Variants in C12orf42 observed in about 807,000 individuals in gnomAD.
C12orf42 encodes the protein uncharacterized protein C12orf42.
A neutral mutation model predicts 21.6 loss-of-function variants in C12orf42; 25 were observed. The ratio of observed to expected loss-of-function variants is 1.16; its 90% CI spans 0.84 to 1.62. The LOEUF is 1.62. C12orf42 is among the 40% of genes most tolerant of loss of function. The pLI is 0.00. For missense variants in C12orf42, 483 were observed against 459.3 expected (o/e 1.05, Z -0.47); for synonymous variants, 174 against 175.0 (o/e 0.99, Z 0.05).
the C12orf42 span, among the ~76,000 whole-genome samples, chr12:103,514,353 G>T: frequency 2.0e-5 from 3 of 152,158 alleles, no homozygotes; most frequent in South Asian, 6.2e-4. Flanking sequence ...CTCTGAAAAG[G>T]CAGCATTTGA....
At chr12:103,123,437 G>C in the C12orf42 span, among the ~76,000 whole-genome samples, 3 of 152,170 alleles carry the variant, frequency 2.0e-5, no homozygotes, top group Non-Finnish European at 2.9e-5. Context: ...GTCAGAAAAG[G>C]CATCTGATTT....
chr12:103,265,192 G>A (rs1295789378), downstream of C12orf42, among the ~76,000 whole-genome samples: 2 of 151,998 alleles, frequency 1.3e-5, no homozygotes, highest in East Asian at 3.9e-4. Flanking sequence ...ACACCCCCAA[G>A]GTCCCACCCC....
intron 4 of C12orf42, among the ~76,000 whole-genome samples, chr12:103,324,270 G>A (rs1034471895): frequency 6.6e-6 from 1 of 152,056 alleles, no homozygotes; most frequent in Non-Finnish European, 1.5e-5. Context: ...AGTAAGTTTT[G>A]TAACTACTGA....
chr12:103,452,668 C>T (rs1340481944), intron 2 of C12orf42, among the ~76,000 whole-genome samples: 1 of 151,820 alleles, frequency 6.6e-6, no homozygotes, highest in Non-Finnish European at 1.5e-5. Flanking sequence ...AAATGTGGCA[C>T]ATATATACCA....
At chr12:103,424,078 A>C (rs1160103069) in intron 2 of C12orf42, among the ~76,000 whole-genome samples, 1 of 152,232 alleles carries the variant, frequency 6.6e-6, no homozygotes, top group Non-Finnish European at 1.5e-5. Context: ...GGACATTGCA[A>C]CTTAACTTAC....
the C12orf42 span, among the ~76,000 whole-genome samples, chr12:103,213,478 T>A: frequency 6.6e-6 from 1 of 152,208 alleles, no homozygotes; most frequent in African/African-American, 2.4e-5. Flanking sequence ...GGATATGTGT[T>A]CTTGTGTTCA....
the C12orf42 span, among the ~76,000 whole-genome samples, chr12:103,176,459 G>C: frequency 2.0e-5 from 3 of 152,062 alleles, no homozygotes; most frequent in African/African-American, 4.8e-5. Context: ...TGCACATAAG[G>C]GTTTATCGGA....
chr12:103,092,895 G>T, the C12orf42 span, among the ~76,000 whole-genome samples: 3 of 152,134 alleles, frequency 2.0e-5, no homozygotes, highest in African/African-American at 4.8e-5. Context: ...ACACCTGTGT[G>T]ATGCGCCACC....
intron 3 of C12orf42, among the ~76,000 whole-genome samples, chr12:103,395,319 G>A (rs577437297): frequency 4.6e-5 from 7 of 151,564 alleles, no homozygotes; most frequent in Non-Finnish European, 7.4e-5. Flanking sequence ...TAGAAATGTG[G>A]CTTTAGACCC....
At chr12:103,456,562 A>C (rs890305144) in intron 2 of C12orf42, among the ~76,000 whole-genome samples, 1 of 152,172 alleles carries the variant, frequency 6.6e-6, no homozygotes, top group Non-Finnish European at 1.5e-5. Flanking sequence ...CTTTTAACTC[A>C]TTGTTTACCA....
the C12orf42 span, among the ~76,000 whole-genome samples, chr12:103,189,984 T>TATATATATATAC: frequency 2.0e-5 from 3 of 151,206 alleles, no homozygotes; most frequent in East Asian, 3.9e-4. Context: ...TATATATATA[T>TATATATATATAC]ACACACACAC....
the C12orf42 span, among the ~76,000 whole-genome samples, chr12:103,068,961 A>C: frequency 8.0e-4 from 71 of 89,190 alleles, 2 homozygotes; most frequent in African/African-American, 3.6e-3. Context: ...ATATATATAT[A>C]TATATATATA....
the C12orf42 span, among the ~76,000 whole-genome samples, chr12:103,527,490 C>G: frequency 8.5e-5 from 13 of 152,282 alleles, no homozygotes; most frequent in East Asian, 2.3e-3. Context: ...CTACAGAAAC[C>G]AACTTGGAGT....
At chr12:103,390,573 G>GAT (rs1010525926) in intron 3 of C12orf42, among the ~76,000 whole-genome samples, 8 of 152,220 alleles carry the variant, frequency 5.3e-5, no homozygotes, top group Non-Finnish European at 1.0e-4. Flanking sequence ...GAACCGATAG[G>GAT]ATATATATAG....
intron 10 of C12orf42, among the ~76,000 whole-genome samples, chr12:103,247,164 CA>C (rs900550856): frequency 8.1e-5 from 12 of 148,778 alleles, no homozygotes; most frequent in African/African-American, 1.2e-4. Flanking sequence ...ACCATTTTTT[CA>C]AAAAAAAACC....
At chr12:103,281,892 A>G (rs1466257575) in intron 4 of C12orf42, among the ~76,000 whole-genome samples, 1 of 148,844 alleles carries the variant, frequency 6.7e-6, no homozygotes, top group Admixed American at 6.9e-5. Context: ...AGAAAGAAAA[A>G]GAAAGAAAGA....
the C12orf42 span, among the ~76,000 whole-genome samples, chr12:103,068,931 CCACATA>C: frequency 1.2e-3 from 58 of 47,050 alleles, 1 homozygote; most frequent in Non-Finnish European, 1.8e-3. Context: ...ATCTCTCTCT[CCACATA>C]TATATATATA....
chr12:103,290,018 C>G (rs745510491), intron 4 of C12orf42, among the ~76,000 whole-genome samples: 2 of 152,200 alleles, frequency 1.3e-5, no homozygotes, highest in East Asian at 3.9e-4. Flanking sequence ...GCCTGCCTCC[C>G]CATCTGGGTT....
chr12:103,278,761 T>C (rs2035929412), intron 4 of C12orf42, among the ~76,000 whole-genome samples: 1 of 152,230 alleles, frequency 6.6e-6, no homozygotes, highest in Non-Finnish European at 1.5e-5. Flanking sequence ...TTTGGCCTGT[T>C]CCTTCCAAAG....
Sources: allele counts gnomAD v4.1 joint callset (sites outside exome capture counted in the v4.1 genomes callset), GRCh38; gene constraint gnomAD v4.1.1; transcripts MANE v1.5; gene names NCBI Gene and HGNC (gene_info 2026-07-23, HGNC 2026-07-21).